The following COL5A1 variants were observed in gnomAD, a reference collection of about 807,000 sequenced individuals.
The protein encoded by COL5A1 is collagen type V alpha 1 chain, also known as collagen alpha-1(V) chain.
In COL5A1, 16 loss-of-function variants were observed where a neutral mutation model predicts 263.7. That is an observed-to-expected ratio of 0.06 (90% CI 0.04 to 0.09). COL5A1 has a LOEUF of 0.09. Ranked by LOEUF, COL5A1 falls within the 10% of genes least tolerant of loss-of-function variation. COL5A1 has a pLI of 1.00. For synonymous variants in COL5A1, 1,012 were observed against 1,004.5 expected (o/e 1.01, Z -0.14); for missense variants, 2,036 against 2,540.5 (o/e 0.80, Z 4.27).
intron 4 of COL5A1, among the ~76,000 whole-genome samples, chr9:134,724,461 G>C (rs1212636040): frequency 6.6e-6 from 1 of 152,234 alleles, no homozygotes; most frequent in East Asian, 1.9e-4. Flanking sequence ...TTCCAAGTGT[G>C]CCTGCGGGCT....
chr9:134,732,004 G>A, intron 8 of COL5A1, 67 bp from the exon 9 acceptor site: 3 of 1,570,734 alleles, frequency 1.9e-6, no homozygotes, highest in Non-Finnish European at 2.6e-6. Flanking sequence ...CAGATTTTGT[G>A]TAATCTGGAC....
At chr9:134,738,951 C>G (rs937997020) in intron 11 of COL5A1, 143 bp downstream of exon 11, 1 of 722,228 alleles carries the variant, frequency 1.4e-6, no homozygotes, top group East Asian at 2.6e-5. Context: ...CCCAGGCACT[C>G]CTCACACCAG....
At chr9:134,795,648 C>T (rs1837880907) in intron 34 of COL5A1, among the ~76,000 whole-genome samples, 1 of 152,208 alleles carries the variant, frequency 6.6e-6, no homozygotes, top group Non-Finnish European at 1.5e-5. Flanking sequence ...GGCCCCATTT[C>T]CTCTCTTGAA....
chr9:134,690,524 A>G (rs1003727758), intron 1 of COL5A1, among the ~76,000 whole-genome samples: 1 of 152,158 alleles, frequency 6.6e-6, no homozygotes, highest in Non-Finnish European at 1.5e-5. Flanking sequence ...CAATGAGAAG[A>G]GGTGTCTGGG....
At chr9:134,764,079 G>A (rs916040339) in intron 20 of COL5A1, among the ~76,000 whole-genome samples, 1 of 134,274 alleles carries the variant, frequency 7.4e-6, no homozygotes, top group African/African-American at 2.8e-5. Context: ...GGGTCTGAGG[G>A]CATCGTGGTG....
At chr9:134,683,624 G>A (rs1464510017) in intron 1 of COL5A1, among the ~76,000 whole-genome samples, 1 of 152,182 alleles carries the variant, frequency 6.6e-6, no homozygotes, top group South Asian at 2.1e-4. Flanking sequence ...TTGCTCAGTC[G>A]TTCAGCAAAC....
At chr9:134,785,297 G>C (rs1837415621) in intron 30 of COL5A1, among the ~76,000 whole-genome samples, 1 of 152,092 alleles carries the variant, frequency 6.6e-6, no homozygotes, top group Non-Finnish European at 1.5e-5. Context: ...CTTGTCCCGG[G>C]TTCGCCCTTT....
In COL5A1 at chr9:134,690,961, T is replaced by C; in HGVS notation, c.159T>C (p.Asp53=). The C allele has an allele frequency of 6.2e-7, 1 of 1,613,876 alleles. No homozygotes were observed. The highest frequency in any genetic ancestry group is 1.3e-5 in the African/African-American group (1 of 75,080). ...LKVLDFHNLP[D]GITKTTGFCA... ...TTCTAGATTTTCACAACTTGCCTGA[T>C]GGAATAACAAAGACAACAGGCTTTT... Residue 53 remains aspartate (D), a synonymous_variant, in exon 2 of 66, where the codon GAT becomes GAC. Transcript: ENST00000371817.
chr9:134,724,430 GC>G (rs546045515), intron 4 of COL5A1, among the ~76,000 whole-genome samples: 1 of 152,230 alleles, frequency 6.6e-6, no homozygotes, highest in South Asian at 2.1e-4. Context: ...GGCCTGTCCG[GC>G]AGCACAGAGC....
chr9:134,732,022 C>T (rs375098247), intron 8 of COL5A1, 49 bp from the exon 9 acceptor site: 2 of 1,603,860 alleles, frequency 1.2e-6, no homozygotes, highest in Non-Finnish European at 1.7e-6. Flanking sequence ...GACTTTCTTT[C>T]TCACTTTTCT....
chr9:134,663,830 G>A (rs1209097447), intron 1 of COL5A1, among the ~76,000 whole-genome samples: 2 of 152,190 alleles, frequency 1.3e-5, no homozygotes, highest in African/African-American at 2.4e-5. Context: ...TTAAAGTGTC[G>A]CCTATTGGAT....
chr9:134,748,232 CACACACAT>C (rs1434511375), intron 11 of COL5A1, among the ~76,000 whole-genome samples: 5 of 152,046 alleles, frequency 3.3e-5, no homozygotes, highest in Admixed American at 3.3e-4. Context: ...TATGCACACC[CACACACAT>C]GCACACATGC....
At chr9:134,751,498 G>A (rs1407193028) in intron 13 of COL5A1, among the ~76,000 whole-genome samples, 1 of 152,192 alleles carries the variant, frequency 6.6e-6, no homozygotes, top group East Asian at 1.9e-4. Context: ...GAGCCCTTGG[G>A]CCCCAGAGCC....
intron 4 of COL5A1, 102 bp from the exon 5 acceptor site, chr9:134,727,164 G>C: frequency 8.2e-7 from 1 of 1,217,292 alleles, no homozygotes; most frequent in Non-Finnish European, 1.2e-6. Flanking sequence ...CTTGTGGCTT[G>C]GTCTGGACTT....
intron 9 of COL5A1, among the ~76,000 whole-genome samples, chr9:134,736,868 G>A (rs769115430): frequency 2.6e-5 from 4 of 152,226 alleles, no homozygotes; most frequent in African/African-American, 7.2e-5. Flanking sequence ...TAGCAGCCCC[G>A]AGGAAGTTCA....
At chr9:134,830,572 G>A (rs981845489) in intron 64 of COL5A1, among the ~76,000 whole-genome samples, 1 of 152,150 alleles carries the variant, frequency 6.6e-6, no homozygotes, top group Non-Finnish European at 1.5e-5. Context: ...GACCACTTAA[G>A]CCATTCAGAG....
chr9:134,810,380 T>C, intron 44 of COL5A1, 72 bp downstream of exon 44: 1 of 1,440,796 alleles, frequency 6.9e-7, no homozygotes, highest in Non-Finnish European at 9.7e-7. Flanking sequence ...GTAGGCCGTG[T>C]GCCATGCACG....
chr9:134,750,718 C>G (rs1322370306), intron 12 of COL5A1, 72 bp from the exon 13 acceptor site: 2 of 1,597,484 alleles, frequency 1.3e-6, no homozygotes, highest in Non-Finnish European at 1.7e-6. Context: ...CCTGTGGGCC[C>G]CGTCTCAGTC....
At chr9:134,683,923 C>A (rs924442753) in intron 1 of COL5A1, among the ~76,000 whole-genome samples, 2 of 152,224 alleles carry the variant, frequency 1.3e-5, no homozygotes, top group African/African-American at 4.8e-5. Flanking sequence ...CGTCTCCCTT[C>A]CTCGAGGCTG....
Sources: allele counts gnomAD v4.1 joint callset (sites outside exome capture counted in the v4.1 genomes callset), GRCh38; gene constraint gnomAD v4.1.1; transcripts MANE v1.5; gene names NCBI Gene and HGNC (gene_info 2026-07-23, HGNC 2026-07-21).